SEMA5A: variants seen among roughly 807,000 people sequenced by gnomAD.
SEMA5A encodes the protein semaphorin 5A, also known as semaphorin-5A.
SEMA5A carries 55 observed loss-of-function variants against 135.5 expected under a neutral mutation model. The ratio of observed to expected loss-of-function variants is 0.41; its 90% CI spans 0.33 to 0.51. The LOEUF is 0.51. SEMA5A is among the 20% of genes least tolerant of loss of function. SEMA5A has a pLI of 0.37. For missense variants in SEMA5A, 1,290 were observed against 1,419.9 expected (o/e 0.91, Z 1.47); for synonymous variants, 580 against 546.5 (o/e 1.06, Z -0.85).
chr5:9,244,979 C>T (rs1292236662), intron 5 of SEMA5A, among the ~76,000 whole-genome samples: 2 of 152,156 alleles, frequency 1.3e-5, no homozygotes, highest in African/African-American at 4.8e-5. Flanking sequence ...CAGTAGACAA[C>T]GTTTTTTTAA....
At chr5:9,490,459 T>G (rs1734947316) in intron 1 of SEMA5A, among the ~76,000 whole-genome samples, 2 of 152,180 alleles carry the variant, frequency 1.3e-5, no homozygotes, top group Admixed American at 1.3e-4. Flanking sequence ...AAAAAAAATT[T>G]TAATAATTAT....
rs895719769 is a variant in SEMA5A at position 9,041,775 on chromosome 5, T to C, written c.*1122A>G. ...CAGAAACTGGGGGTAGCACTTCGTG[T>C]GGACCTGGCAGACTCCAGAAAGCCA... On this transcript the variant is annotated 3_prime_UTR_variant, in exon 23 of 23. Transcript: ENST00000382496. 15 of 152,640 alleles carry C rather than the reference T, an allele frequency of 9.8e-5. No homozygotes were observed. The highest frequency in any genetic ancestry group is 2.9e-4 in the African/African-American group (12 of 41,434). 9.5% of individuals were successfully genotyped at this position (152,640 alleles called of 1,614,324 possible).
chr5:9,216,270 G>A (rs1038839987), intron 8 of SEMA5A, among the ~76,000 whole-genome samples: 2 of 152,102 alleles, frequency 1.3e-5, no homozygotes, highest in Non-Finnish European at 2.9e-5. Context: ...CATGTTGTTC[G>A]ATTTCCATGT....
chr5:9,085,402 C>A (rs752184990), intron 16 of SEMA5A, among the ~76,000 whole-genome samples: 39 of 152,108 alleles, frequency 2.6e-4, no homozygotes, highest in Non-Finnish European at 5.4e-4. Flanking sequence ...GCCCGGGGTC[C>A]CTGTGCTGTG....
intron 5 of SEMA5A, among the ~76,000 whole-genome samples, chr5:9,303,226 C>T (rs1318272437): frequency 6.6e-6 from 1 of 151,774 alleles, no homozygotes; most frequent in Non-Finnish European, 1.5e-5. Context: ...ATGCCATTCT[C>T]CTGCCTCAGC....
chr5:9,194,790 A>C (rs1745300678), intron 10 of SEMA5A, among the ~76,000 whole-genome samples: 1 of 152,208 alleles, frequency 6.6e-6, no homozygotes. Flanking sequence ...ATTATGCTAC[A>C]TGGACTGGCT....
intron 3 of SEMA5A, among the ~76,000 whole-genome samples, chr5:9,366,620 C>T (rs1040281669): frequency 6.6e-6 from 1 of 152,180 alleles, no homozygotes; most frequent in African/African-American, 2.4e-5. Flanking sequence ...CATCTCCTGA[C>T]CTCATGATCC....
intron 16 of SEMA5A, among the ~76,000 whole-genome samples, chr5:9,077,287 T>G (rs1179697046): frequency 6.6e-6 from 1 of 152,192 alleles, no homozygotes; most frequent in Non-Finnish European, 1.5e-5. Context: ...TATTTGGATC[T>G]GGCTCATAGA....
chr5:9,504,813 C>A (rs1579648746), intron 1 of SEMA5A, among the ~76,000 whole-genome samples: 1 of 152,354 alleles, frequency 6.6e-6, no homozygotes, highest in South Asian at 2.1e-4. Flanking sequence ...ACACTGCCAG[C>A]GGATTATACC....
chr5:9,307,123 T>A (rs1751907932), intron 5 of SEMA5A, among the ~76,000 whole-genome samples: 1 of 152,148 alleles, frequency 6.6e-6, no homozygotes, highest in African/African-American at 2.4e-5. Context: ...AGAATTGAAT[T>A]TCAAAAATTA....
chr5:9,208,042 T>C (rs1307891961), intron 8 of SEMA5A, among the ~76,000 whole-genome samples: 1 of 152,218 alleles, frequency 6.6e-6, no homozygotes, highest in Non-Finnish European at 1.5e-5. Context: ...GTGAATTTAC[T>C]CACATTATTT....
chr5:9,203,820 T>C (rs1315378538), intron 8 of SEMA5A, among the ~76,000 whole-genome samples: 1 of 151,686 alleles, frequency 6.6e-6, no homozygotes, highest in Non-Finnish European at 1.5e-5. Context: ...AATGACTGTT[T>C]AAAAAAAAAC....
intron 5 of SEMA5A, 82 bp from the exon 6 acceptor site, chr5:9,237,972 T>C: frequency 7.8e-7 from 1 of 1,287,670 alleles, no homozygotes; most frequent in Non-Finnish European, 1.1e-6. Context: ...AAGGCACTGG[T>C]AACCAGATTA....
At chr5:9,452,126 G>T (rs1225370129) in intron 1 of SEMA5A, among the ~76,000 whole-genome samples, 1 of 152,110 alleles carries the variant, frequency 6.6e-6, no homozygotes, top group African/African-American at 2.4e-5. Flanking sequence ...AATTGGCCCT[G>T]CCCTGTCTCC....
At chr5:9,453,251 C>T (rs971914338) in intron 1 of SEMA5A, among the ~76,000 whole-genome samples, 97 of 152,308 alleles carry the variant, frequency 6.4e-4, no homozygotes, top group African/African-American at 2.3e-3. Flanking sequence ...TGAGGCACTT[C>T]CCAGCCATTC....
chr5:9,348,700 A>G (rs1005818849), intron 3 of SEMA5A, among the ~76,000 whole-genome samples: 1 of 152,268 alleles, frequency 6.6e-6, no homozygotes, highest in East Asian at 1.9e-4. Context: ...TAAAATTACA[A>G]AAATGAACAA....
At chr5:9,285,352 C>T (rs991831143) in intron 5 of SEMA5A, among the ~76,000 whole-genome samples, 5 of 152,156 alleles carry the variant, frequency 3.3e-5, no homozygotes, top group Non-Finnish European at 7.3e-5. Flanking sequence ...TGGAGAAAAT[C>T]TCAAGCTTCA....
chr5:9,522,275 C>T (rs777113323), intron 1 of SEMA5A, among the ~76,000 whole-genome samples: 4 of 152,072 alleles, frequency 2.6e-5, no homozygotes, highest in East Asian at 3.9e-4. Flanking sequence ...AGACAAAGGG[C>T]GTAATTGCAA....
intron 11 of SEMA5A, 93 bp from the exon 12 acceptor site, chr5:9,154,788 G>T: frequency 8.9e-7 from 1 of 1,123,064 alleles, no homozygotes; most frequent in Non-Finnish European, 1.3e-6. Context: ...TGCAGCCATG[G>T]ATCTTCAGCC....
Sources: allele counts gnomAD v4.1 joint callset (sites outside exome capture counted in the v4.1 genomes callset), GRCh38; gene constraint gnomAD v4.1.1; transcripts MANE v1.5; gene names NCBI Gene and HGNC (gene_info 2026-07-23, HGNC 2026-07-21).